Variants in CACNA2D3 observed in about 807,000 individuals in gnomAD.
CACNA2D3 encodes the protein calcium voltage-gated channel auxiliary subunit alpha2delta 3, also known as voltage-dependent calcium channel subunit alpha-2/delta-3.
Under a neutral mutation model 160.6 loss-of-function variants are expected in CACNA2D3, and 60 were observed. The ratio of observed to expected loss-of-function variants is 0.37; its 90% confidence interval spans 0.30 to 0.46. CACNA2D3 has a LOEUF of 0.46. Among genes scored for constraint, CACNA2D3 ranks in the 20% least tolerant of loss-of-function variants. The pLI is 1.00. For missense variants in CACNA2D3, 1,205 were observed against 1,365.0 expected (o/e 0.88, Z 1.85); for synonymous variants, 558 against 492.9 (o/e 1.13, Z -1.75).
At chr3:54,924,092 G>T (rs958108357) in intron 27 of CACNA2D3, among the ~76,000 whole-genome samples, 38 of 152,304 alleles carry the variant, frequency 2.5e-4, no homozygotes, top group Admixed American at 2.5e-3. Flanking sequence ...TCATGTTAAA[G>T]AAATTGTGAG....
intron 9 of CACNA2D3, among the ~76,000 whole-genome samples, chr3:54,584,491 C>T (rs1033811450): frequency 2.0e-5 from 3 of 151,724 alleles, no homozygotes; most frequent in East Asian, 1.9e-4. Flanking sequence ...TGAACAACAG[C>T]GAGAAAATAG....
chr3:54,292,507 A>G (rs903837301), intron 2 of CACNA2D3, among the ~76,000 whole-genome samples: 1 of 152,220 alleles, frequency 6.6e-6, no homozygotes, highest in Non-Finnish European at 1.5e-5. Context: ...TTAAAAATGA[A>G]CAAAGGTTCT....
At chr3:54,341,278 C>T (rs62256097) in intron 3 of CACNA2D3, among the ~76,000 whole-genome samples, 13,737 of 152,266 alleles carry the variant, frequency 0.09, 810 homozygotes, top group East Asian at 0.18. Flanking sequence ...AGTTTCTCAA[C>T]CCTTAGACTC....
At chr3:54,836,958 TGTTTCCCCAGCTGGGGGCTGG>T (rs1233191327) in intron 14 of CACNA2D3, among the ~76,000 whole-genome samples, 180 bp from the exon 15 acceptor site, 1 of 152,164 alleles carries the variant, frequency 6.6e-6, no homozygotes, top group Non-Finnish European at 1.5e-5. Context: ...ACAAATGATT[TGTTTCCCCAGCTGGGGGCTGG>T]GACTGTCCTC....
rs200169990 is a variant in CACNA2D3 at position 55,021,655 on chromosome 3, ATATG to A, written c.2987+3340_2987+3343del. On this transcript the variant is annotated intron_variant, in intron 35 of 37. Transcript: ENST00000474759. Reference sequence around the variant, plus strand: ...TATATATATATATATGTGTATATATATATGTGTGTGTATATATATATGTGTATAT... The same window carrying A: ...TATATATATATATATGTGTATATATATGTGTGTATATATATATGTGTATAT... 2.8e-3 allele frequency among the ~76,000 whole-genome samples: 201 copies of A among 71,292 alleles called. 1 individual carries two copies. Among genetic ancestry groups the A allele is most frequent in the Middle Eastern group, 7.6e-3 (1 of 132 alleles). 46.8% of individuals were successfully genotyped at this position (71,292 alleles called of 152,430 possible).
intron 3 of CACNA2D3, among the ~76,000 whole-genome samples, chr3:54,348,934 G>A (rs1698503402): frequency 6.6e-6 from 1 of 152,068 alleles, no homozygotes; most frequent in African/African-American, 2.4e-5. Flanking sequence ...CACTATGTTG[G>A]CCAGGCTGGT....
rs1465458842 is a variant in CACNA2D3 at position 54,714,375 on chromosome 3, G to C, written c.1168-38224G>C. ...TGGGATGGAGGGCGAGTGCTCTGGG[G>C]CCGGGGTATCCTTCAGCGTGAGTTG... On this transcript the variant is annotated intron_variant, in intron 11 of 37. Coordinates refer to ENST00000474759, the MANE Select transcript of CACNA2D3 (RefSeq NM_018398.3). Among the ~76,000 whole-genome samples, 4 of 152,276 alleles carry C rather than the reference G, an allele frequency of 2.6e-5. No individual in the cohort carries two copies. In the East Asian group the frequency reaches 7.7e-4, roughly 29 times the overall value.
intron 3 of CACNA2D3, among the ~76,000 whole-genome samples, chr3:54,374,640 C>A (rs1194367579): frequency 1.5e-4 from 23 of 152,154 alleles, no homozygotes; most frequent in Admixed American, 1.5e-3. Flanking sequence ...CTGGTTGTTG[C>A]TGGACACCCC....
At chr3:55,004,359 G>C (rs963756932) in intron 31 of CACNA2D3, among the ~76,000 whole-genome samples, 1 of 152,162 alleles carries the variant, frequency 6.6e-6, no homozygotes, top group African/African-American at 2.4e-5. Flanking sequence ...TCCCAAAGTG[G>C]TTCTTCTTAG....
intron 2 of CACNA2D3, among the ~76,000 whole-genome samples, chr3:54,243,095 T>C (rs1702003214): frequency 6.6e-6 from 1 of 152,186 alleles, no homozygotes; most frequent in Non-Finnish European, 1.5e-5. Context: ...TCATAAACCA[T>C]GTGTCCCTTG....
chr3:54,925,675 T>C (rs1038380814), intron 27 of CACNA2D3, among the ~76,000 whole-genome samples: 31 of 152,216 alleles, frequency 2.0e-4, no homozygotes, highest in Admixed American at 2.6e-4. Flanking sequence ...GATAGAAGTG[T>C]CCTACATCTG....
chr3:54,793,226 T>G (rs571746074), intron 13 of CACNA2D3, among the ~76,000 whole-genome samples: 1 of 152,212 alleles, frequency 6.6e-6, no homozygotes, highest in Non-Finnish European at 1.5e-5. Context: ...TAAATTATAT[T>G]TTTTCCTGTC....
rs376239105 is a variant in CACNA2D3, at chr3:54,401,088, A to G, written c.381+14314A>G. Among the ~76,000 whole-genome samples, 18 of 152,236 alleles carry G rather than the reference A, an allele frequency of 1.2e-4. 1 individual carries two copies. Among genetic ancestry groups the G allele is most frequent in the South Asian group, 4.1e-4 (2 of 4,830 alleles). On this transcript the variant is annotated intron_variant, in intron 4 of 37. Coordinates refer to ENST00000474759, the MANE Select transcript of CACNA2D3 (RefSeq NM_018398.3). ...AAAAATCTTGGAGCTGAAGAATTCA[A>G]TGAATGAAATAAAAACTATAATAGA...
At chr3:55,009,494 T>G in intron 34 of CACNA2D3, 51 bp downstream of exon 34, 1 of 1,494,142 alleles carries the variant, frequency 6.7e-7, no homozygotes, top group Non-Finnish European at 9.3e-7. Flanking sequence ...AAGCGCTGGG[T>G]TCACTGGCTA....
intron 18 of CACNA2D3, among the ~76,000 whole-genome samples, chr3:54,872,222 A>G (rs914406318): frequency 6.6e-6 from 1 of 152,092 alleles, no homozygotes; most frequent in Non-Finnish European, 1.5e-5. Context: ...ATGGTGCTCT[A>G]TCAAAAGCTC....
intron 36 of CACNA2D3, 97 bp downstream of exon 36, chr3:55,073,654 T>TA: frequency 8.3e-7 from 1 of 1,209,004 alleles, no homozygotes; most frequent in Non-Finnish European, 1.2e-6. Context: ...AGAAGGAAAA[T>TA]TACATCCTTT....
At chr3:54,901,569 G>A (rs542633983) in intron 27 of CACNA2D3, among the ~76,000 whole-genome samples, 3 of 152,270 alleles carry the variant, frequency 2.0e-5, no homozygotes, top group African/African-American at 7.2e-5. Flanking sequence ...ACGAGACACA[G>A]TTTGGTCCAC....
At chr3:55,051,689 C>T (rs908161180) in intron 35 of CACNA2D3, among the ~76,000 whole-genome samples, 77 of 152,200 alleles carry the variant, frequency 5.1e-4, no homozygotes, top group African/African-American at 1.7e-3. Flanking sequence ...CAATGGCGGG[C>T]GCCCCTCCCC....
intron 11 of CACNA2D3, among the ~76,000 whole-genome samples, chr3:54,723,798 T>C (rs999523346): frequency 6.6e-6 from 1 of 152,190 alleles, no homozygotes; most frequent in Non-Finnish European, 1.5e-5. Context: ...TTGATCTCAC[T>C]GGGAGCTGCA....
Sources: allele counts gnomAD v4.1 joint callset (sites outside exome capture counted in the v4.1 genomes callset), GRCh38; gene constraint gnomAD v4.1.1; transcripts MANE v1.5; gene names NCBI Gene and HGNC (gene_info 2026-07-23, HGNC 2026-07-21).